Variants in GRID2 observed in about 807,000 individuals in gnomAD.
GRID2 encodes glutamate ionotropic receptor delta type subunit 2, also known as glutamate receptor ionotropic, delta-2.
A neutral mutation model predicts 114.8 loss-of-function variants in GRID2; 33 were observed. The observed-to-expected ratio is 0.29, with a 90% CI of 0.22 to 0.38. The LOEUF (loss-of-function observed/expected upper bound fraction) is 0.38. Among genes scored for constraint, GRID2 ranks in the 10% least tolerant of loss-of-function variants. The probability of loss-of-function intolerance (pLI) is 1.00; values close to 1 mark genes in which losing one functional copy is unlikely to be tolerated. For missense variants in GRID2, 1,184 were observed against 1,257.7 expected, an observed-to-expected ratio of 0.94 and a Z score of 0.89; for synonymous variants, 505 against 449.9, an observed-to-expected ratio of 1.12 and a Z score of -1.55.
At chr4:93,681,945 T>G (rs1166928091) in intron 14 of GRID2, among the ~76,000 whole-genome samples, 5 of 151,062 alleles carry the variant, frequency 3.3e-5, no homozygotes, top group Non-Finnish European at 5.9e-5. Flanking sequence ...CTCATTAAAC[T>G]AAAGAGCTTC....
chr4:92,879,160 G>A (rs1019829476), intron 2 of GRID2, among the ~76,000 whole-genome samples: 2 of 152,144 alleles, frequency 1.3e-5, no homozygotes, highest in Admixed American at 1.3e-4. Flanking sequence ...AAAATATGGT[G>A]ATTTTATTTT....
intron 2 of GRID2, among the ~76,000 whole-genome samples, chr4:92,747,245 G>T (rs1737195514): frequency 6.6e-6 from 1 of 151,972 alleles, no homozygotes; most frequent in South Asian, 2.1e-4. Context: ...ATATAAATTT[G>T]AGTAAGTTCT....
intron 1 of GRID2, among the ~76,000 whole-genome samples, chr4:92,524,159 G>GTT (rs1400084932): frequency 6.6e-6 from 1 of 151,980 alleles, no homozygotes; most frequent in Non-Finnish European, 1.5e-5. Context: ...GTAAACAAGG[G>GTT]TTGAGTACAA....
chr4:92,930,279 G>T (rs1750127383), intron 2 of GRID2, among the ~76,000 whole-genome samples: 1 of 151,144 alleles, frequency 6.6e-6, no homozygotes, highest in African/African-American at 2.4e-5. Flanking sequence ...ACATTATTTA[G>T]CAATATCTGT....
chr4:93,578,591 T>TTGTTTTTTTG (rs1560772920), intron 13 of GRID2, among the ~76,000 whole-genome samples: 4 of 130,930 alleles, frequency 3.1e-5, no homozygotes, highest in African/African-American at 1.3e-4. Context: ...TTTTGTATTT[T>TTGTTTTTTTG]TTTTTTTTTT....
chr4:93,660,658 G>GA (rs1723410042), intron 14 of GRID2, among the ~76,000 whole-genome samples: 1 of 152,180 alleles, frequency 6.6e-6, no homozygotes, highest in Non-Finnish European at 1.5e-5. Context: ...AATTGTGACA[G>GA]TCTGAGATCT....
chr4:93,135,346 G>A (rs1735149088), intron 4 of GRID2, among the ~76,000 whole-genome samples: 1 of 152,164 alleles, frequency 6.6e-6, no homozygotes, highest in African/African-American at 2.4e-5. Flanking sequence ...TTAGGGAGCA[G>A]CTGAATGTGT....
intron 2 of GRID2, among the ~76,000 whole-genome samples, chr4:92,919,805 G>T (rs1749151977): frequency 6.6e-6 from 1 of 152,144 alleles, no homozygotes; most frequent in African/African-American, 2.4e-5. Flanking sequence ...GTGTGGTGTG[G>T]TGCTGAGAAG....
rs1436601173 is a variant in GRID2 at position 93,407,708 on chromosome 4, CCTCCTCCTCCTCCTT to C, written c.1347+12015_1347+12029del. 6.9e-4 allele frequency among the ~76,000 whole-genome samples: 83 copies of C among 120,880 alleles called. 2 individuals are homozygous for C. The highest frequency in any genetic ancestry group is 4.0e-3 in the Middle Eastern group (1 of 248). 79.3% of individuals were successfully genotyped at this position (120,880 alleles called of 152,430 possible). A position where few individuals can be genotyped will look rare whatever the true frequency, so the allele number is the denominator to read the frequency against. The stretch of plus-strand genomic sequence containing the variant: ...TTTTTTCATGTTTGGAAGGTCTCCT[CCTCCTCCTCCTCCTT>C]CTCCTCCTCCTCCTCCTCCTCCTCC... On this transcript the variant is annotated intron_variant, in intron 9 of 15. Coordinates refer to ENST00000282020, the MANE Select transcript of GRID2 (RefSeq NM_001510.4).
chr4:93,702,915 G>C (rs935415391), intron 14 of GRID2, among the ~76,000 whole-genome samples: 4 of 152,014 alleles, frequency 2.6e-5, no homozygotes, highest in African/African-American at 9.7e-5. Context: ...ATGAAGCAAG[G>C]AGAGGAATAA....
chr4:92,700,245 G>T (rs939500958), intron 2 of GRID2, among the ~76,000 whole-genome samples: 1 of 152,106 alleles, frequency 6.6e-6, no homozygotes, highest in African/African-American at 2.4e-5. Context: ...ACTCTCCTTT[G>T]ATAACGATAT....
At chr4:93,766,316 T>C (rs867291243) in intron 14 of GRID2, among the ~76,000 whole-genome samples, 1 of 152,134 alleles carries the variant, frequency 6.6e-6, no homozygotes, top group Non-Finnish European at 1.5e-5. Flanking sequence ...AAACTTACAA[T>C]CATGGTGGAA....
chr4:93,698,711 T>C (rs895677303), intron 14 of GRID2, among the ~76,000 whole-genome samples: 2 of 152,124 alleles, frequency 1.3e-5, no homozygotes, highest in African/African-American at 4.8e-5. Flanking sequence ...ACATTTTCTC[T>C]GTAAATTTGT....
intron 2 of GRID2, among the ~76,000 whole-genome samples, chr4:92,600,907 T>G (rs1221259730): frequency 6.6e-6 from 1 of 152,198 alleles, no homozygotes; most frequent in Non-Finnish European, 1.5e-5. Context: ...TGGCTGCCCC[T>G]TGGTAGAGGA....
intron 1 of GRID2, among the ~76,000 whole-genome samples, chr4:92,577,970 A>G (rs1727977951): frequency 6.6e-6 from 1 of 152,060 alleles, no homozygotes; most frequent in Non-Finnish European, 1.5e-5. Flanking sequence ...ATCTCACATA[A>G]ATTAAATGGT....
chr4:93,474,488 C>A (rs1235832061), intron 11 of GRID2, among the ~76,000 whole-genome samples: 1 of 152,096 alleles, frequency 6.6e-6, no homozygotes, highest in East Asian at 1.9e-4. Context: ...GTCTTATAGA[C>A]AAACTCTTAT....
chr4:92,895,199 C>T lies in GRID2; in HGVS notation c.245-189796C>T, dbSNP rs369948978. On this transcript the variant is annotated intron_variant, in intron 2 of 15. Transcript: ENST00000282020. ...CATTAAAATGGATAAATCTGTGAGGCCAACATGGGGTAGAATGTAAGACAA... is the reference window on the plus strand; with the variant it reads ...CATTAAAATGGATAAATCTGTGAGGTCAACATGGGGTAGAATGTAAGACAA... Among the ~76,000 whole-genome samples the T allele has an allele frequency of 5.9e-5, 9 of 151,422 alleles. No individual in the cohort carries two copies. The East Asian group carries it at 1.6e-3, about 26-fold the overall frequency.
At chr4:93,236,449 C>T (rs1746809569) in intron 7 of GRID2, among the ~76,000 whole-genome samples, 1 of 151,992 alleles carries the variant, frequency 6.6e-6, no homozygotes, top group Non-Finnish European at 1.5e-5. Flanking sequence ...TGAAACATTT[C>T]CATTTTTACC....
intron 8 of GRID2, among the ~76,000 whole-genome samples, chr4:93,342,338 G>T (rs1759752457): frequency 6.6e-6 from 1 of 151,818 alleles, no homozygotes; most frequent in Non-Finnish European, 1.5e-5. Context: ...CTGTCTTTCT[G>T]CCAAGACTGC....
Sources: gnomAD v4.1 joint callset for allele counts (sites outside exome capture counted in the v4.1 genomes callset) on GRCh38, gnomAD v4.1.1 for gene constraint, MANE v1.5 for transcripts, NCBI Gene and HGNC (gene_info 2026-07-23, HGNC 2026-07-21) for gene names.